Variants in RIC8B observed in about 807,000 individuals in gnomAD.
RIC8B encodes the protein chaperone Ric-8B.
In RIC8B, 16 loss-of-function variants were observed where a neutral mutation model predicts 57.5. That is an observed-to-expected ratio of 0.28 (90% CI 0.19 to 0.42). The LOEUF (loss-of-function observed/expected upper bound fraction) is 0.42, where lower values mean the gene tolerates loss of function less well. RIC8B is among the 10% of genes least tolerant of loss of function. The pLI is 1.00. For missense variants in RIC8B, 481 were observed against 677.0 expected, an observed-to-expected ratio of 0.71 and a Z score of 3.21; for synonymous variants, 216 against 250.8, an observed-to-expected ratio of 0.86 and a Z score of 1.31.
At chr12:106,807,733 G>A (rs1405295184) in intron 2 of RIC8B, among the ~76,000 whole-genome samples, 1 of 151,878 alleles carries the variant, frequency 6.6e-6, no homozygotes, top group Non-Finnish European at 1.5e-5. Context: ...CAATTAAACT[G>A]TTAGATGAGC....
chr12:106,842,853 T>G, intron 5 of RIC8B, 36 bp downstream of exon 5: 1 of 1,311,842 alleles, frequency 7.6e-7, no homozygotes, highest in Non-Finnish European at 1.1e-6. Flanking sequence ...GGGAAGATGC[T>G]TCCAAAGAAT....
In RIC8B at chr12:106,860,280, T is replaced by C; in HGVS notation, c.1319T>C (p.Leu440Pro). Residue 440 changes from leucine to proline, a missense_variant, in exon 8 of 10, where the codon CTG (leucine) becomes CCG (proline). By Grantham distance (98) the Leu-to-Pro change is moderately conservative. Transcript: ENST00000392837. ...TCTGTTTTTGCAGTGGATAGTCTGC[T>C]GAAATACACTGGCTATGGGAATGCT... Reference protein sequence around the residue: ...VLCKERVDSLLKYTGYGNAAG... With the variant: ...VLCKERVDSLPKYTGYGNAAG... The C allele has an allele frequency of 6.3e-7, 1 of 1,590,240 alleles. No homozygotes were observed. The highest frequency in any genetic ancestry group is 8.5e-7 in the Non-Finnish European group (1 of 1,170,204).
chr12:106,822,151 A>G (rs1403705452), intron 3 of RIC8B: 1 of 151,938 alleles, frequency 6.6e-6, no homozygotes, highest in East Asian at 1.9e-4. Flanking sequence ...TTCACAAAAG[A>G]GATATCCAAA....
At chr12:106,806,180 C>T (rs2045008714) in intron 2 of RIC8B, among the ~76,000 whole-genome samples, 1 of 152,186 alleles carries the variant, frequency 6.6e-6, no homozygotes, top group South Asian at 2.1e-4. Context: ...CTCCCGACCT[C>T]AGGTGATCCG....
chr12:106,806,486 C>T (rs2045028792), intron 2 of RIC8B, among the ~76,000 whole-genome samples: 1 of 152,122 alleles, frequency 6.6e-6, no homozygotes, highest in Admixed American at 6.6e-5. Context: ...TTTTAGTCCC[C>T]CTTTTCTCTA....
intron 9 of RIC8B, chr12:106,873,168 A>G (rs1050104709): frequency 1.5e-5 from 15 of 985,340 alleles, no homozygotes; most frequent in African/African-American, 8.7e-5. Flanking sequence ...CAGATGCCCA[A>G]CTGAAGGTGA....
chr12:106,803,879 T>G (rs1258883482), intron 2 of RIC8B, among the ~76,000 whole-genome samples: 1 of 152,232 alleles, frequency 6.6e-6, no homozygotes, highest in Non-Finnish European at 1.5e-5. Context: ...TGCAAAATTT[T>G]AGCTCTTACT....
At chr12:106,791,905 T>G (rs948581188) in intron 2 of RIC8B, among the ~76,000 whole-genome samples, 11 of 152,242 alleles carry the variant, frequency 7.2e-5, no homozygotes, top group Admixed American at 6.5e-4. Context: ...AATGGATGCT[T>G]GTTCTAAAAG....
Position 106,879,458 on chromosome 12 carries a change from A to T in RIC8B, c.1572-6446A>T, listed in dbSNP as rs1341438677. On this transcript the variant is annotated intron_variant, in intron 9 of 9. Coordinates refer to ENST00000392837, the MANE Select transcript of RIC8B (RefSeq NM_001330145.2). The surrounding 1 kb of genome is among the most constrained non-coding windows in gnomAD (Gnocchi z 4.9). The stretch of plus-strand genomic sequence containing the variant: ...ACCTTCTCTAAGGTGCTGAGAAGTC[A>T]TATAAGCCCAGGCATCCTAGAGTAT... 1 of 985,228 alleles carries T rather than the reference A, an allele frequency of 1.0e-6. No individual in the cohort carries two copies. The highest frequency in any genetic ancestry group is 1.2e-6 in the Non-Finnish European group (1 of 829,920). 61.0% of individuals were successfully genotyped at this position (985,228 alleles called of 1,614,324 possible). A position where few individuals can be genotyped will look rare whatever the true frequency, so the allele number is the denominator to read the frequency against.
At chr12:106,814,607 CT>C (rs2045488275) in intron 2 of RIC8B, 88 bp from the exon 3 acceptor site, 1 of 1,305,652 alleles carries the variant, frequency 7.7e-7, no homozygotes, top group Non-Finnish European at 1.1e-6. Flanking sequence ...GGATTTTTAA[CT>C]GTTGTTAAGT....
chr12:106,853,211 A>G (rs751372408), intron 7 of RIC8B, among the ~76,000 whole-genome samples: 2 of 151,854 alleles, frequency 1.3e-5, no homozygotes, highest in Non-Finnish European at 2.9e-5. Context: ...ATATAAATCT[A>G]AATAAATAAT....
chr12:106,798,969 C>G (rs141077266), intron 2 of RIC8B, among the ~76,000 whole-genome samples: 4 of 152,174 alleles, frequency 2.6e-5, no homozygotes, highest in African/African-American at 4.8e-5. Flanking sequence ...TTATATCTCA[C>G]TAACTCAAAA....
intron 2 of RIC8B, among the ~76,000 whole-genome samples, chr12:106,810,181 C>A: frequency 6.9e-6 from 1 of 145,324 alleles, no homozygotes. Context: ...GATCCTCCCA[C>A]CTCAGCCTCC....
At chr12:106,878,420 G>C (rs1332719750) in intron 9 of RIC8B, among the ~76,000 whole-genome samples, 1 of 152,270 alleles carries the variant, frequency 6.6e-6, no homozygotes, top group Middle Eastern at 3.4e-3. Context: ...CTGAAATCTT[G>C]ATATAAGATG....
chr12:106,848,019 G>A (rs1949284962), intron 6 of RIC8B, among the ~76,000 whole-genome samples: 1 of 152,112 alleles, frequency 6.6e-6, no homozygotes, highest in African/African-American at 2.4e-5. Context: ...GTGGTGACAA[G>A]TGCTATGAGA....
intron 9 of RIC8B, 88 bp downstream of exon 9, chr12:106,871,030 A>G (rs1167271448): frequency 7.6e-7 from 1 of 1,320,514 alleles, no homozygotes; most frequent in African/African-American, 1.5e-5. Context: ...TAGAACAGCA[A>G]CTCTGGAAAT....
intron 1 of RIC8B, 71 bp from the exon 2 acceptor site, chr12:106,783,926 C>A: frequency 7.3e-7 from 1 of 1,372,804 alleles, no homozygotes; most frequent in Non-Finnish European, 1.0e-6. Flanking sequence ...ATTTTAGATG[C>A]TATTAAACGT....
chr12:106,881,702 A>G (rs1207524921), intron 9 of RIC8B, among the ~76,000 whole-genome samples: 2 of 152,158 alleles, frequency 1.3e-5, no homozygotes, highest in Non-Finnish European at 1.5e-5. Context: ...AGACAGTCCA[A>G]TATAACCAGG....
rs1039429579 is a variant in RIC8B, at chr12:106,867,523, T to C, written c.1452-3300T>C. 3.9e-5 allele frequency among the ~76,000 whole-genome samples: 6 copies of C among 152,208 alleles called. No homozygotes were observed. Among genetic ancestry groups the C allele is most frequent in the African/African-American group, 1.4e-4 (6 of 41,456 alleles). On this transcript the variant is annotated intron_variant, in intron 8 of 9. Coordinates refer to ENST00000392837, the MANE Select transcript of RIC8B (RefSeq NM_001330145.2). The surrounding 1 kb of genome is among the most constrained non-coding windows in gnomAD (Gnocchi z 4.3). ...ACTCCAGAATTTCATAGCGTTAAGATTGAAACCTGGACTGTGGCGTCTCAG... is the reference window on the plus strand; with the variant it reads ...ACTCCAGAATTTCATAGCGTTAAGACTGAAACCTGGACTGTGGCGTCTCAG...
Sources: gnomAD v4.1 joint callset for allele counts (sites outside exome capture counted in the v4.1 genomes callset) on GRCh38, gnomAD v4.1.1 for gene constraint, Gnocchi (gnomAD v3.1) non-coding constraint, MANE v1.5 for transcripts, NCBI Gene and HGNC (gene_info 2026-07-23, HGNC 2026-07-21) for gene names.